Variants in UBE2E1 observed in about 807,000 individuals in gnomAD.
UBE2E1 encodes the protein ubiquitin-conjugating enzyme E2 E1.
In UBE2E1, 6 loss-of-function variants were observed where a neutral mutation model predicts 21.4. The ratio of observed to expected loss-of-function variants is 0.28; its 90% CI spans 0.15 to 0.55. The LOEUF is 0.55. UBE2E1 is among the 20% of genes least tolerant of loss of function. The probability of loss-of-function intolerance (pLI) is 0.93; values close to 1 mark genes in which losing one functional copy is unlikely to be tolerated. For synonymous variants in UBE2E1, 87 were observed against 82.7 expected (o/e 1.05, Z -0.28); for missense variants, 142 against 236.5 (o/e 0.60, Z 2.62).
At chr3:23,852,191 T>C (rs1161116498) in intron 3 of UBE2E1, among the ~76,000 whole-genome samples, 1 of 152,204 alleles carries the variant, frequency 6.6e-6, no homozygotes, top group Non-Finnish European at 1.5e-5. Context: ...TCTTTATAAA[T>C]TACCTAGCCT....
chr3:23,887,909 G>A lies in UBE2E1; in HGVS notation c.336+210G>A. On this transcript the variant is annotated intron_variant, in intron 4 of 5. Coordinates refer to ENST00000306627, the MANE Select transcript of UBE2E1 (RefSeq NM_003341.5). This position sits in a 1 kb window ranked among gnomAD's most constrained non-coding sequence, Gnocchi z 4.4. The stretch of plus-strand genomic sequence containing the variant: ...CTAGGATTAAGTGCTTTGTTTTGAT[G>A]GTGCTTAAAATTGTGCTATTTATAG... The A allele has an allele frequency of 1.6e-6, 1 of 607,628 alleles. No individual in the cohort carries two copies. Among genetic ancestry groups the A allele is most frequent in the Non-Finnish European group, 2.7e-6 (1 of 364,928 alleles). The allele number at this position is 607,628 out of a possible 1,614,324, so 37.6% of individuals were successfully genotyped here. A position where few individuals can be genotyped will look rare whatever the true frequency, so the allele number is the denominator to read the frequency against.
chr3:23,845,927 A>G (rs930577328), intron 3 of UBE2E1, among the ~76,000 whole-genome samples: 2 of 152,180 alleles, frequency 1.3e-5, no homozygotes, highest in Admixed American at 1.3e-4. Flanking sequence ...GATTTTTTTA[A>G]TCACTTAAAA....
intron 3 of UBE2E1, among the ~76,000 whole-genome samples, chr3:23,845,581 C>CTGTGTGTG (rs1343231599): frequency 2.5e-4 from 12 of 48,498 alleles, no homozygotes; most frequent in South Asian, 8.3e-4. Flanking sequence ...CTCTCTCTCT[C>CTGTGTGTG]TCTCTCTCTG....
At chr3:23,820,945 T>C (rs1221626742) in intron 3 of UBE2E1, among the ~76,000 whole-genome samples, 2 of 152,174 alleles carry the variant, frequency 1.3e-5, no homozygotes, top group Non-Finnish European at 2.9e-5. Flanking sequence ...TAGAGTAACT[T>C]GGGATGATCT....
chr3:23,889,665 C>G, intron 5 of UBE2E1: 4 of 985,386 alleles, frequency 4.1e-6, no homozygotes, highest in Non-Finnish European at 4.8e-6. Context: ...TAGCTGGTCA[C>G]TGAGATGGCA....
In UBE2E1 at chr3:23,853,798, C is replaced by T. The variant is rs1700377936; in HGVS notation, c.204-33769C>T. Among the ~76,000 whole-genome samples the T allele has an allele frequency of 1.3e-5, 2 of 152,092 alleles. No individual in the cohort carries two copies. The highest frequency in any genetic ancestry group is 2.4e-5 in the African/African-American group (1 of 41,402). ...CCTGGTGGTGGTTTTTCAGGGATACCACCCAGTGACCATCTGTGGTGGTCA... is the reference window on the plus strand; with the variant it reads ...CCTGGTGGTGGTTTTTCAGGGATACTACCCAGTGACCATCTGTGGTGGTCA... On this transcript the variant is annotated intron_variant, in intron 3 of 5. Coordinates refer to ENST00000306627, the MANE Select transcript of UBE2E1 (RefSeq NM_003341.5). The surrounding 1 kb of genome is among the most constrained non-coding windows in gnomAD (Gnocchi z 4.1).
chr3:23,819,255 G>T (rs1457773032), intron 3 of UBE2E1, among the ~76,000 whole-genome samples: 1 of 152,152 alleles, frequency 6.6e-6, no homozygotes, highest in Non-Finnish European at 1.5e-5. Context: ...CTGCACTCCA[G>T]CCTGGGTGAC....
At chr3:23,825,371 A>G (rs1450011033) in intron 3 of UBE2E1, among the ~76,000 whole-genome samples, 1 of 152,192 alleles carries the variant, frequency 6.6e-6, no homozygotes, top group East Asian at 1.9e-4. Context: ...AGTTACAACC[A>G]GTGGCTCCTG....
chr3:23,878,913 C>T (rs1700977185), intron 3 of UBE2E1: 1 of 354,380 alleles, frequency 2.8e-6, no homozygotes, highest in Middle Eastern at 1.0e-3. Context: ...ACCATCCCAC[C>T]CCCCATCTGT....
chr3:23,871,192 G>A (rs1014221847), intron 3 of UBE2E1, among the ~76,000 whole-genome samples: 5 of 151,576 alleles, frequency 3.3e-5, no homozygotes, highest in African/African-American at 1.2e-4. Flanking sequence ...GAGCTGTTGG[G>A]TACACCTCCC....
At chr3:23,877,388 C>A (rs903510522) in intron 3 of UBE2E1, among the ~76,000 whole-genome samples, 2 of 152,294 alleles carry the variant, frequency 1.3e-5, no homozygotes, top group Admixed American at 6.5e-5. Flanking sequence ...ACTAGCTTAA[C>A]CCTGAGCAAA....
rs1699315495 is a variant in UBE2E1 at position 23,808,083 on chromosome 3, C to G, written c.152+662C>G. On this transcript the variant is annotated intron_variant, in intron 2 of 5. Coordinates refer to ENST00000306627, the MANE Select transcript of UBE2E1 (RefSeq NM_003341.5). This position sits in a 1 kb window ranked among gnomAD's most constrained non-coding sequence, Gnocchi z 4.9. The stretch of plus-strand genomic sequence containing the variant: ...ATTTCAGGGAGACTTGTCTTTTTTT[C>G]ATGCTATTTGCTGTCCTCATGCTGT... Among the ~76,000 whole-genome samples, 1 of 151,970 alleles carries G rather than the reference C, an allele frequency of 6.6e-6. No individual in the cohort carries two copies. Among genetic ancestry groups the G allele is most frequent in the South Asian group, 2.1e-4 (1 of 4,828 alleles).
Position 23,887,805 on chromosome 3 carries a change from T to G in UBE2E1, c.336+106T>G. On this transcript the variant is annotated intron_variant, in intron 4 of 5. Transcript: ENST00000306627. This position sits in a 1 kb window ranked among gnomAD's most constrained non-coding sequence, Gnocchi z 4.4. ...AATCACAGAAACTAGATTTATCTTA[T>G]GTCCTAATAGATCTGAGTATTTTAA... 1 of 1,410,698 alleles carries G rather than the reference T, an allele frequency of 7.1e-7. No homozygotes were observed. The highest frequency in any genetic ancestry group is 1.4e-5 in the South Asian group (1 of 69,650). The allele number at this position is 1,410,698 out of a possible 1,614,324, so 87.4% of individuals were successfully genotyped here. A position where few individuals can be genotyped will look rare whatever the true frequency, so the allele number is the denominator to read the frequency against.
intron 5 of UBE2E1, 82 bp downstream of exon 5, chr3:23,889,341 C>A: frequency 6.3e-7 from 1 of 1,594,342 alleles, no homozygotes; most frequent in Non-Finnish European, 8.5e-7. Flanking sequence ...AAGGACAAAA[C>A]TAATTTTTCT....
chr3:23,864,253 CT>C (rs994982230), intron 3 of UBE2E1, among the ~76,000 whole-genome samples: 20 of 149,980 alleles, frequency 1.3e-4, no homozygotes, highest in Admixed American at 6.7e-5. Context: ...TTACACATTA[CT>C]TTTTTTTTTC....
intron 3 of UBE2E1, among the ~76,000 whole-genome samples, chr3:23,828,216 AG>A (rs1337367344): frequency 2.6e-5 from 4 of 152,254 alleles, no homozygotes; most frequent in African/African-American, 7.2e-5. Flanking sequence ...ATTAAAATAC[AG>A]CATTTAGTAG....
chr3:23,840,449 C>A (rs1700062135), intron 3 of UBE2E1, among the ~76,000 whole-genome samples: 1 of 152,266 alleles, frequency 6.6e-6, no homozygotes, highest in Non-Finnish European at 1.5e-5. Flanking sequence ...GGAACTTAGT[C>A]TGATCCTTTT....
intron 3 of UBE2E1, among the ~76,000 whole-genome samples, chr3:23,811,731 G>T (rs1028592695): frequency 6.6e-6 from 1 of 152,164 alleles, no homozygotes. Context: ...ATTTGGAGTG[G>T]ATTTTTACAT....
At chr3:23,884,210 T>G (rs933350366) in intron 3 of UBE2E1, among the ~76,000 whole-genome samples, 1 of 137,562 alleles carries the variant, frequency 7.3e-6, no homozygotes, top group Non-Finnish European at 1.5e-5. Flanking sequence ...TTCAAAAAAA[T>G]TAACACCTAA....
Sources: gnomAD v4.1 joint callset for allele counts (sites outside exome capture counted in the v4.1 genomes callset) on GRCh38, gnomAD v4.1.1 for gene constraint, Gnocchi (gnomAD v3.1) non-coding constraint, MANE v1.5 for transcripts, NCBI Gene and HGNC (gene_info 2026-07-23, HGNC 2026-07-21) for gene names.